Variants in CFAP69 observed in about 807,000 individuals in gnomAD.
The protein encoded by CFAP69 is cilia- and flagella-associated protein 69.
In CFAP69, 92 loss-of-function variants were observed where a neutral mutation model predicts 123.0. The observed-to-expected ratio is 0.75, with a 90% CI of 0.63 to 0.89. The LOEUF (loss-of-function observed/expected upper bound fraction) is 0.89. CFAP69 is among the 40% of genes least tolerant of loss of function. The pLI is 0.00. For synonymous variants in CFAP69, 380 were observed against 364.3 expected (o/e 1.04, Z -0.49); for missense variants, 1,067 against 1,096.9 (o/e 0.97, Z 0.39).
chr7:90,288,264 G>T lies in CFAP69; in HGVS notation c.1687G>T (p.Val563Phe), dbSNP rs550493329. Residue 563 changes from valine to phenylalanine, a missense_variant, in exon 15 of 23, where the codon GTT (valine) becomes TTT (phenylalanine). Transcript: ENST00000389297. ...EIFGTEGVDI[V>F]LHVMKTDPRK... Reference sequence around the variant, plus strand: ...TTTCGGAACTGAAGGAGTAGATATCGTTCTTCATGTGATGAAAACAGACCC... The same window carrying T: ...TTTCGGAACTGAAGGAGTAGATATCTTTCTTCATGTGATGAAAACAGACCC... 6.2e-7 allele frequency: 1 copy of T among 1,610,572 alleles called. No homozygotes were observed. Among genetic ancestry groups the T allele is most frequent in the Admixed American group, 1.7e-5 (1 of 59,946 alleles).
intron 21 of CFAP69, 128 bp from the exon 22 acceptor site, chr7:90,309,135 A>T (rs1237537551): frequency 1.3e-5 from 6 of 467,068 alleles, no homozygotes; most frequent in Non-Finnish European, 2.3e-5. Context: ...GTAAATGCAG[A>T]TTTCAGCGCT....
At chr7:90,289,099 T>G (rs1009555538) in intron 15 of CFAP69, among the ~76,000 whole-genome samples, 1 of 152,048 alleles carries the variant, frequency 6.6e-6, no homozygotes, top group African/African-American at 2.4e-5. Flanking sequence ...CAAATTAGCC[T>G]AGGCTTATGA....
chr7:90,269,306 G>C (rs1799622799), intron 6 of CFAP69, among the ~76,000 whole-genome samples: 1 of 152,230 alleles, frequency 6.6e-6, no homozygotes, highest in Non-Finnish European at 1.5e-5. Flanking sequence ...CACCCAAATA[G>C]AGTTGAAAAT....
At chr7:90,286,441 C>G in intron 14 of CFAP69, 42 bp downstream of exon 14, 1 of 1,583,950 alleles carries the variant, frequency 6.3e-7, no homozygotes, top group African/African-American at 1.4e-5. Flanking sequence ...CTCCCAGTCA[C>G]CTAACACTAT....
downstream of CFAP69, among the ~76,000 whole-genome samples, chr7:90,311,348 A>G (rs1014593588): frequency 3.3e-5 from 5 of 152,184 alleles, no homozygotes; most frequent in Non-Finnish European, 7.3e-5. Context: ...ATTTGAGTCT[A>G]GATTCTGGGC....
intron 14 of CFAP69, 128 bp downstream of exon 14, chr7:90,286,527 AATTAT>A: frequency 1.1e-6 from 1 of 937,570 alleles, no homozygotes; most frequent in Non-Finnish European, 1.6e-6. Context: ...ATTAGAGCAT[AATTAT>A]ATAAAGTAAA....
At chr7:90,253,564 G>T (rs933877508) in intron 1 of CFAP69, among the ~76,000 whole-genome samples, 1 of 151,888 alleles carries the variant, frequency 6.6e-6, no homozygotes, top group African/African-American at 2.4e-5. Context: ...CTAATGTTTT[G>T]TATTTTTAGT....
Position 90,288,298 on chromosome 7 carries a change from TAC to T in CFAP69, c.1723_1724del (p.Gln575GlufsTer6). 2 of 1,612,556 alleles carry T rather than the reference TAC, an allele frequency of 1.2e-6. No individual in the cohort carries two copies. Among genetic ancestry groups the T allele is most frequent in the Non-Finnish European group, 1.7e-6 (2 of 1,178,936 alleles). Reference sequence around the variant, plus strand: ...GTGATGAAAACAGACCCCAGGAAGTTACAGAGTGGCTTAGGCTATAATGTACT... The same window carrying T: ...GTGATGAAAACAGACCCCAGGAAGTTAGAGTGGCTTAGGCTATAATGTACT... On this transcript the variant is annotated frameshift_variant, in exon 15 of 23. Coordinates refer to ENST00000389297, the MANE Select transcript of CFAP69 (RefSeq NM_001039706.3).
At chr7:90,266,926 T>C (rs1181174122) in intron 5 of CFAP69, among the ~76,000 whole-genome samples, 1 of 152,100 alleles carries the variant, frequency 6.6e-6, no homozygotes, top group African/African-American at 2.4e-5. Context: ...ATTCTGGAAA[T>C]GGATGGGGGA....
chr7:90,270,080 G>C (rs920161179), intron 6 of CFAP69: 4 of 152,200 alleles, frequency 2.6e-5, no homozygotes, highest in Admixed American at 2.6e-4. Flanking sequence ...TTAGGAGTCA[G>C]TGCTCTCACT....
chr7:90,307,671 G>A (rs568384104), intron 20 of CFAP69, 97 bp from the exon 21 acceptor site: 1 of 655,764 alleles, frequency 1.5e-6, no homozygotes, highest in Admixed American at 3.2e-5. Flanking sequence ...CTTGAGACAT[G>A]CCACTGGACT....
At chr7:90,253,526 G>C (rs1797273819) in intron 1 of CFAP69, among the ~76,000 whole-genome samples, 1 of 152,118 alleles carries the variant, frequency 6.6e-6, no homozygotes, top group African/African-American at 2.4e-5. Context: ...GAGTAGCTGG[G>C]ATTACAGGTG....
intron 16 of CFAP69, among the ~76,000 whole-genome samples, chr7:90,299,061 A>T: frequency 6.6e-6 from 1 of 152,170 alleles, no homozygotes; most frequent in Non-Finnish European, 1.5e-5. Context: ...CATATAACTC[A>T]TAATAACCCT....
intron 14 of CFAP69, chr7:90,287,743 A>G (rs2117154236): frequency 2.0e-6 from 2 of 986,206 alleles, no homozygotes. Flanking sequence ...GCAAGGCAAT[A>G]AGAAAGGTAA....
intron 18 of CFAP69, 105 bp from the exon 19 acceptor site, chr7:90,304,635 TTAGA>T (rs1793287442): frequency 6.9e-7 from 1 of 1,445,614 alleles, no homozygotes; most frequent in Admixed American, 2.9e-5. Flanking sequence ...GCATTTGTTT[TTAGA>T]TAGGTAGATA....
intron 15 of CFAP69, among the ~76,000 whole-genome samples, chr7:90,293,316 A>T (rs149421107): frequency 1.3e-5 from 2 of 152,338 alleles, no homozygotes; most frequent in East Asian, 3.9e-4. Flanking sequence ...ATGTTTGACC[A>T]TAAGGTAAGA....
intron 1 of CFAP69, among the ~76,000 whole-genome samples, chr7:90,251,563 A>G (rs1797007469): frequency 6.6e-6 from 1 of 152,196 alleles, no homozygotes; most frequent in Non-Finnish European, 1.5e-5. Context: ...ATGGCTTTTT[A>G]AGATCCTTGT....
intron 8 of CFAP69, among the ~76,000 whole-genome samples, chr7:90,272,424 C>T (rs1004789812): frequency 1.3e-5 from 2 of 152,212 alleles, no homozygotes; most frequent in Non-Finnish European, 2.9e-5. Context: ...ATTGTCTCTG[C>T]TTTCGTGGAA....
intron 3 of CFAP69, among the ~76,000 whole-genome samples, chr7:90,260,468 G>GT (rs1231132758): frequency 2.0e-5 from 3 of 152,114 alleles, no homozygotes; most frequent in Non-Finnish European, 4.4e-5. Context: ...CGAGGCTGCA[G>GT]TGAGCTATGT....
Sources: allele counts gnomAD v4.1 joint callset (sites outside exome capture counted in the v4.1 genomes callset), GRCh38; gene constraint gnomAD v4.1.1; transcripts MANE v1.5; gene names NCBI Gene and HGNC (gene_info 2026-07-23, HGNC 2026-07-21).